The following BRAF variants were observed in gnomAD, a reference collection of about 807,000 sequenced individuals.
BRAF encodes serine/threonine-protein kinase B-raf.
A neutral mutation model predicts 104.6 loss-of-function variants in BRAF; 16 were observed. The ratio of observed to expected loss-of-function variants is 0.15; its 90% CI spans 0.10 to 0.23. BRAF has a LOEUF of 0.23. BRAF is among the 10% of genes least tolerant of loss of function. The pLI, the probability that BRAF is intolerant of heterozygous loss-of-function variation, is 1.00. For missense variants in BRAF, 541 were observed against 937.3 expected, an observed-to-expected ratio of 0.58 and a Z score of 5.52; for synonymous variants, 310 against 341.6, an observed-to-expected ratio of 0.91 and a Z score of 1.02.
intron 14 of BRAF, among the ~76,000 whole-genome samples, chr7:140,757,632 A>C (rs892199330): frequency 6.6e-6 from 1 of 152,190 alleles, no homozygotes; most frequent in African/African-American, 2.4e-5. Context: ...TTTCAGATTA[A>C]AACTTTAGCT....
At chr7:140,888,395 A>T (rs1813810924) in intron 1 of BRAF, among the ~76,000 whole-genome samples, 1 of 137,276 alleles carries the variant, frequency 7.3e-6, no homozygotes, top group African/African-American at 3.5e-5. Flanking sequence ...ACCTTATAGA[A>T]TGGACAAGTG....
intron 1 of BRAF, among the ~76,000 whole-genome samples, chr7:140,852,226 G>A (rs1014329413): frequency 7.9e-5 from 12 of 151,702 alleles, no homozygotes; most frequent in Admixed American, 3.9e-4. Flanking sequence ...AAAATTAGCC[G>A]GGCATGGTGG....
At chr7:140,782,522 T>C (rs1222145189) in intron 11 of BRAF, among the ~76,000 whole-genome samples, 1 of 152,136 alleles carries the variant, frequency 6.6e-6, no homozygotes, top group African/African-American at 2.4e-5. Flanking sequence ...GATCCTCTTA[T>C]TCAACAATTA....
intron 14 of BRAF, among the ~76,000 whole-genome samples, chr7:140,760,421 GAAAA>G (rs55872126): frequency 9.0e-6 from 1 of 111,260 alleles, no homozygotes; most frequent in South Asian, 2.9e-4. Context: ...TTGAGAGAGA[GAAAA>G]AAAAAAAAAA....
Position 140,723,707 on chromosome 7 carries a change from C to G in BRAF, c.*2787G>C. ...ATTTTTCAGAAGGCTTCACCTCTCC[C>G]TACCAAAAATAAAACACACTACAGA... On this transcript the variant is annotated 3_prime_UTR_variant, in exon 20 of 20. Transcript: ENST00000644969. 2 of 1,051,676 alleles carry G rather than the reference C, an allele frequency of 1.9e-6. No individual in the cohort carries two copies. The highest frequency in any genetic ancestry group is 1.1e-4 in the East Asian group (2 of 18,462). 65.1% of individuals were successfully genotyped at this position (1,051,676 alleles called of 1,614,324 possible). A position where few individuals can be genotyped will look rare whatever the true frequency, so the allele number is the denominator to read the frequency against.
chr7:140,820,297 C>T (rs536463322), intron 3 of BRAF, among the ~76,000 whole-genome samples: 51 of 152,246 alleles, frequency 3.3e-4, no homozygotes, highest in East Asian at 2.9e-3. Context: ...ATTAAGTTAT[C>T]GCAAAGTTTT....
chr7:140,809,359 T>C (rs1373629566), intron 3 of BRAF, among the ~76,000 whole-genome samples: 1 of 152,206 alleles, frequency 6.6e-6, no homozygotes, highest in Non-Finnish European at 1.5e-5. Flanking sequence ...CCAATACTGT[T>C]CAAAGCTGAA....
chr7:140,887,186 T>G (rs1226295330), intron 1 of BRAF, among the ~76,000 whole-genome samples: 1 of 152,202 alleles, frequency 6.6e-6, no homozygotes, highest in Non-Finnish European at 1.5e-5. Flanking sequence ...TGAGAGAAAC[T>G]GTAGTTCCAA....
intron 1 of BRAF, among the ~76,000 whole-genome samples, chr7:140,869,652 A>C (rs370905819): frequency 6.0e-5 from 9 of 149,916 alleles, no homozygotes; most frequent in South Asian, 4.3e-4. Context: ...AAAAAAAAGA[A>C]AAAAAAATCA....
At chr7:140,776,823 C>T in intron 14 of BRAF, 89 bp downstream of exon 13, 1 of 1,280,456 alleles carries the variant, frequency 7.8e-7, no homozygotes, top group Non-Finnish European at 1.1e-6. Context: ...ATTTAAAATG[C>T]AATCCAAAAG....
chr7:140,818,836 C>T (rs1805167550), intron 3 of BRAF, among the ~76,000 whole-genome samples: 1 of 152,146 alleles, frequency 6.6e-6, no homozygotes, highest in South Asian at 2.1e-4. Context: ...ACTTAGTCTA[C>T]CTTATTTTGA....
At chr7:140,881,321 A>T (rs1167079773) in intron 1 of BRAF, among the ~76,000 whole-genome samples, 2 of 152,208 alleles carry the variant, frequency 1.3e-5, no homozygotes, top group African/African-American at 4.8e-5. Flanking sequence ...GAAGCTTTAA[A>T]GCCTGTCATT....
intron 14 of BRAF, among the ~76,000 whole-genome samples, chr7:140,757,298 AT>A (rs889187395): frequency 3.3e-5 from 5 of 149,562 alleles, no homozygotes; most frequent in Admixed American, 2.0e-4. Context: ...CTTGACTAGG[AT>A]TTTTTTTTTG....
chr7:140,810,724 C>A (rs953709258), intron 3 of BRAF, among the ~76,000 whole-genome samples: 6 of 152,168 alleles, frequency 3.9e-5, no homozygotes, highest in Admixed American at 6.5e-5. Context: ...TCTCTACTTG[C>A]TAAAATTTAT....
At chr7:140,891,570 TTGCAGATATGGAGGGCCAC>T (rs1485946375) in intron 1 of BRAF, among the ~76,000 whole-genome samples, 1 of 152,174 alleles carries the variant, frequency 6.6e-6, no homozygotes, top group Admixed American at 6.5e-5. Context: ...GATGCAGAAC[TTGCAGATATGGAGGGCCAC>T]TGTAGAAGTG....
intron 14 of BRAF, among the ~76,000 whole-genome samples, chr7:140,762,375 G>A (rs1342115899): frequency 2.0e-5 from 3 of 152,254 alleles, no homozygotes; most frequent in African/African-American, 7.2e-5. Flanking sequence ...GAATCTCTGG[G>A]ACACATTCAA....
intron 1 of BRAF, among the ~76,000 whole-genome samples, chr7:140,921,702 T>A (rs1213595320): frequency 6.6e-6 from 1 of 152,042 alleles, no homozygotes; most frequent in Admixed American, 6.5e-5. Flanking sequence ...ATTTTTTACT[T>A]TTTGTACTTA....
intron 1 of BRAF, among the ~76,000 whole-genome samples, chr7:140,883,757 C>A (rs1003123081): frequency 6.6e-6 from 1 of 152,170 alleles, no homozygotes; most frequent in African/African-American, 2.4e-5. Flanking sequence ...TATGTATGTG[C>A]TGTGTATATA....
intron 7 of BRAF, chr7:140,799,995 A>T: frequency 2.4e-6 from 1 of 410,114 alleles, no homozygotes; most frequent in South Asian, 2.5e-5. Context: ...TAAATATCTG[A>T]CTGGTGTGAT....
Sources: allele counts gnomAD v4.1 joint callset (sites outside exome capture counted in the v4.1 genomes callset), GRCh38; gene constraint gnomAD v4.1.1; transcripts MANE v1.5; gene names NCBI Gene and HGNC (gene_info 2026-07-23, HGNC 2026-07-21).